BRWD3: variants seen among roughly 807,000 people sequenced by gnomAD.
BRWD3 encodes bromodomain and WD repeat-containing protein 3.
BRWD3 carries 10 observed loss-of-function variants against 149.7 expected under a neutral mutation model. The observed-to-expected ratio is 0.07, with a 90% CI of 0.04 to 0.11. The LOEUF (loss-of-function observed/expected upper bound fraction) is 0.11, where lower values mean the gene tolerates loss of function less well. BRWD3 is among the 10% of genes least tolerant of loss of function. The pLI, the probability that BRWD3 is intolerant of heterozygous loss-of-function variation, is 1.00. For missense variants in BRWD3, 940 were observed against 1,373.2 expected (o/e 0.68, Z 4.99); for synonymous variants, 504 against 456.7 (o/e 1.10, Z -1.32).
chrX:80,705,779 G>A (rs1402165249), intron 22 of BRWD3, among the ~76,000 whole-genome samples: 1 of 111,762 alleles, frequency 8.9e-6, no homozygotes, highest in Admixed American at 9.5e-5. Flanking sequence ...AAAAGGTACA[G>A]TAAAAATATG....
chrX:80,789,612 G>A (rs1001813209), intron 6 of BRWD3, among the ~76,000 whole-genome samples: 1 of 109,974 alleles, frequency 9.1e-6, no homozygotes, highest in Non-Finnish European at 1.9e-5. Flanking sequence ...TCCTGACCTC[G>A]TGATCCACCC....
intron 34 of BRWD3, among the ~76,000 whole-genome samples, chrX:80,687,627 A>T (rs2072549588): frequency 9.0e-6 from 1 of 110,902 alleles, no homozygotes; most frequent in African/African-American, 3.3e-5. Flanking sequence ...AATTATTAAG[A>T]CAGTTTACTG....
In BRWD3 at chrX:80,758,922, T is replaced by C. The variant is rs141496774; in HGVS notation, c.431-13193A>G. Reference sequence around the variant, plus strand: ...CTACATTACTCACAGCTGTAATTTATAGATACTTCTCTTTCCTAATATCCC... The same window carrying C: ...CTACATTACTCACAGCTGTAATTTACAGATACTTCTCTTTCCTAATATCCC... On this transcript the variant is annotated intron_variant, in intron 6 of 40. Coordinates refer to ENST00000373275, the MANE Select transcript of BRWD3 (RefSeq NM_153252.5). Among the ~76,000 whole-genome samples, 570 of 112,378 alleles carry C rather than the reference T, an allele frequency of 5.1e-3. 1 individual carries two copies. The highest frequency in any genetic ancestry group is 8.9e-3 in the Non-Finnish European group (472 of 53,259).
chrX:80,741,155 C>T (rs756442685), intron 8 of BRWD3, among the ~76,000 whole-genome samples: 7 of 110,096 alleles, frequency 6.4e-5, no homozygotes, highest in East Asian at 2.9e-4. Flanking sequence ...TGAGAACATG[C>T]GGTGTTCGGT....
chrX:80,745,122 C>CA (rs746417037), intron 7 of BRWD3, among the ~76,000 whole-genome samples: 16 of 109,259 alleles, frequency 1.5e-4, no homozygotes, highest in Middle Eastern at 9.5e-3. Context: ...GTACTGAAAC[C>CA]AAAAAAAAGA....
At chrX:80,712,274 G>A (rs779512264) in intron 20 of BRWD3, among the ~76,000 whole-genome samples, 1 of 111,044 alleles carries the variant, frequency 9.0e-6, no homozygotes, top group Non-Finnish European at 1.9e-5. Context: ...TCAGCCTGCC[G>A]AGTGCCTGTG....
intron 6 of BRWD3, among the ~76,000 whole-genome samples, chrX:80,765,868 A>C (rs911735564): frequency 2.1e-4 from 23 of 111,917 alleles, no homozygotes; most frequent in African/African-American, 7.5e-4. Context: ...AAGTGAAATT[A>C]TGACCTTGCA....
At chrX:80,713,400 T>G (rs752145640) in intron 20 of BRWD3, among the ~76,000 whole-genome samples, 2 of 112,061 alleles carry the variant, frequency 1.8e-5, no homozygotes, top group Non-Finnish European at 3.8e-5. Context: ...ACCCCAACCC[T>G]GTGCTCTCTG....
intron 8 of BRWD3, among the ~76,000 whole-genome samples, chrX:80,742,098 G>C (rs2147787320): frequency 9.0e-6 from 1 of 111,260 alleles, no homozygotes; most frequent in South Asian, 3.8e-4. Context: ...TAAGGTATAA[G>C]GAAGGGATCC....
At chrX:80,776,968 T>C (rs1329813737) in intron 6 of BRWD3, among the ~76,000 whole-genome samples, 9 of 111,140 alleles carry the variant, frequency 8.1e-5, no homozygotes, top group African/African-American at 2.9e-4. Context: ...TCCAGAGGCC[T>C]TTCATTGTTA....
intron 4 of BRWD3, among the ~76,000 whole-genome samples, chrX:80,794,123 A>G (rs1255371804): frequency 8.9e-6 from 1 of 111,885 alleles, no homozygotes; most frequent in African/African-American, 3.3e-5. Flanking sequence ...GGTTGCAGTG[A>G]GCCAAGATTG....
At chrX:80,688,375 C>G (rs1430635981) in intron 33 of BRWD3, among the ~76,000 whole-genome samples, 1 of 111,109 alleles carries the variant, frequency 9.0e-6, no homozygotes, top group Non-Finnish European at 1.9e-5. Context: ...AGGAGGGGAA[C>G]AGTGTAGTGG....
intron 8 of BRWD3, among the ~76,000 whole-genome samples, chrX:80,740,102 A>T (rs2073463410): frequency 1.8e-5 from 2 of 111,854 alleles, no homozygotes; most frequent in South Asian, 3.7e-4. Context: ...GTTGACATGA[A>T]TTTTTTTCAA....
chrX:80,779,849 G>A (rs2074038960), intron 6 of BRWD3, among the ~76,000 whole-genome samples: 1 of 111,595 alleles, frequency 9.0e-6, no homozygotes, highest in South Asian at 3.7e-4. Context: ...CAAAGTTGAT[G>A]CCAATCACAT....
chrX:80,709,772 T>C (rs2072932134), intron 20 of BRWD3, among the ~76,000 whole-genome samples, 195 bp from the exon 21 acceptor site: 2 of 111,852 alleles, frequency 1.8e-5, no homozygotes, highest in Non-Finnish European at 3.8e-5. Flanking sequence ...CTCTCCTATT[T>C]TGTAAACCTT....
chrX:80,729,780 CTG>C, intron 13 of BRWD3, 134 bp downstream of exon 13: 1 of 485,114 alleles, frequency 2.1e-6, no homozygotes, highest in East Asian at 3.9e-5. Context: ...TGCTTAGAGG[CTG>C]TACAGATGCA....
intron 6 of BRWD3, among the ~76,000 whole-genome samples, chrX:80,781,845 T>G (rs1223119276): frequency 9.0e-6 from 1 of 110,590 alleles, no homozygotes; most frequent in East Asian, 2.8e-4. Context: ...AAAACACTGA[T>G]GAAAGAAATT....
intron 23 of BRWD3, among the ~76,000 whole-genome samples, chrX:80,704,432 C>A (rs960683690): frequency 6.3e-5 from 7 of 111,788 alleles, no homozygotes; most frequent in Admixed American, 4.7e-4. Flanking sequence ...TAGGACATTG[C>A]TACGTTTTAA....
chrX:80,674,719 G>C lies in BRWD3; in HGVS notation c.*1890C>G, dbSNP rs1368419371. On this transcript the variant is annotated 3_prime_UTR_variant, in exon 41 of 41. Transcript: ENST00000373275. ...CTACAACAAAAAAATAGCTTGGTCT[G>C]CTGTCTAGTAACAGAAGTTAGTGCC... 8.9e-6 allele frequency: 1 copy of C among 111,786 alleles called. No individual in the cohort carries two copies. Among genetic ancestry groups the C allele is most frequent in the East Asian group, 2.8e-4 (1 of 3,575 alleles). 9.2% of individuals were successfully genotyped at this position (111,786 alleles called of 1,213,427 possible). A position where few individuals can be genotyped will look rare whatever the true frequency, so the allele number is the denominator to read the frequency against.
Sources: allele counts gnomAD v4.1 joint callset (sites outside exome capture counted in the v4.1 genomes callset), GRCh38; gene constraint gnomAD v4.1.1; transcripts MANE v1.5; gene names NCBI Gene and HGNC (gene_info 2026-07-23, HGNC 2026-07-21).